The following ADGB variants were observed in gnomAD, a reference collection of about 807,000 sequenced individuals.
ADGB encodes calpain-7-like protein.
A neutral mutation model predicts 210.5 loss-of-function variants in ADGB; 172 were observed. The ratio of observed to expected loss-of-function variants is 0.82; its 90% CI spans 0.72 to 0.93. The LOEUF (loss-of-function observed/expected upper bound fraction) is 0.93, where lower values mean the gene tolerates loss of function less well. Ranked by LOEUF, ADGB falls within the 40% of genes least tolerant of loss-of-function variation. The pLI, the probability that ADGB is intolerant of heterozygous loss-of-function variation, is 0.00. For synonymous variants in ADGB, 658 were observed against 662.7 expected (o/e 0.99, Z 0.11); for missense variants, 2,025 against 1,964.8 (o/e 1.03, Z -0.58).
chr6:146,620,293 C>G (rs570402855), intron 1 of ADGB, among the ~76,000 whole-genome samples: 55 of 152,234 alleles, frequency 3.6e-4, no homozygotes, highest in African/African-American at 1.2e-3. Context: ...TGAGCGTCCT[C>G]TCTTTACCTG....
intron 3 of ADGB, among the ~76,000 whole-genome samples, chr6:146,652,960 C>G (rs955350471): frequency 6.6e-6 from 1 of 152,154 alleles, no homozygotes; most frequent in African/African-American, 2.4e-5. Context: ...CCGGGCCACA[C>G]AGCAGGAGGT....
chr6:146,803,726 G>C, intron 35 of ADGB: 4 of 942,954 alleles, frequency 4.2e-6, no homozygotes, highest in Non-Finnish European at 5.0e-6. Context: ...TTAAGTACCG[G>C]CGCCTCATGG....
chr6:146,639,585 C>T (rs1167239438), intron 2 of ADGB: 6 of 151,970 alleles, frequency 3.9e-5, no homozygotes, highest in Non-Finnish European at 7.4e-5. Flanking sequence ...GTCAAACTAT[C>T]CCTGTTTGCA....
intron 7 of ADGB, among the ~76,000 whole-genome samples, chr6:146,668,408 C>T (rs1775964831): frequency 6.6e-6 from 1 of 152,058 alleles, no homozygotes; most frequent in African/African-American, 2.4e-5. Context: ...TTGGGTGTTG[C>T]TTTGTTCACA....
intron 33 of ADGB, among the ~76,000 whole-genome samples, chr6:146,799,051 G>A (rs1778084648): frequency 1.3e-5 from 1 of 75,722 alleles, no homozygotes; most frequent in East Asian, 3.8e-4. Context: ...AAACTTATAT[G>A]GAAATGCAAA....
chr6:146,700,015 T>G (rs1289585865), intron 12 of ADGB, among the ~76,000 whole-genome samples: 1 of 152,208 alleles, frequency 6.6e-6, no homozygotes, highest in Non-Finnish European at 1.5e-5. Context: ...AATCTGTTAT[T>G]AGTTCATTTA....
intron 1 of ADGB, among the ~76,000 whole-genome samples, chr6:146,621,600 T>C (rs1189659391): frequency 2.0e-5 from 3 of 152,152 alleles, no homozygotes; most frequent in Non-Finnish European, 2.9e-5. Context: ...ACTTCTCTGA[T>C]GCCCTAATGG....
chr6:146,656,054 A>G lies in ADGB; in HGVS notation c.403-717A>G, dbSNP rs1775776050. 2.6e-5 allele frequency among the ~76,000 whole-genome samples: 4 copies of G among 152,200 alleles called. No individual in the cohort carries two copies. The South Asian group carries it at 8.3e-4, about 32-fold the overall frequency. On this transcript the variant is annotated intron_variant, in intron 4 of 35. Transcript: ENST00000397944. ...CCTCACAAAAAAAAATGTGAAAAAT[A>G]GCTACTATTATCTACATTCTACAAT...
chr6:146,667,696 C>T (rs1362011073), intron 7 of ADGB, among the ~76,000 whole-genome samples: 3 of 152,030 alleles, frequency 2.0e-5, no homozygotes, highest in African/African-American at 7.2e-5. Context: ...ATAAACCTGT[C>T]ACACTTACTT....
At chr6:146,604,074 G>A (rs2114822836) in intron 1 of ADGB, among the ~76,000 whole-genome samples, 1 of 152,332 alleles carries the variant, frequency 6.6e-6, no homozygotes, top group Admixed American at 6.5e-5. Context: ...AGGATCAGCT[G>A]AGTCTTGTGA....
chr6:146,728,739 AG>A lies in ADGB; in HGVS notation c.2520+1del, dbSNP rs1244212092. Reference protein sequence around the residue: ...HDKELTAQHFRVFHLSLWRLM... With the variant: ...HDKELTAQHFXVFHLSLWRLM... ...TAAAGAACTAACTGCACAGCACTTCAGGGTAAGCTTGTTTGGGATACAATGT... is the reference window on the plus strand; with the variant it reads ...TAAAGAACTAACTGCACAGCACTTCAGGTAAGCTTGTTTGGGATACAATGT... On this transcript the variant is annotated frameshift_variant and splice_region_variant, in exon 20 of 36. Transcript: ENST00000397944. LOFTEE classifies it high-confidence loss of function. 2 of 1,536,880 alleles carry A rather than the reference AG, an allele frequency of 1.3e-6. No homozygotes were observed. The highest frequency in any genetic ancestry group is 4.0e-5 in the Admixed American group (2 of 50,438).
intron 13 of ADGB, among the ~76,000 whole-genome samples, chr6:146,702,147 A>C (rs1776500485): frequency 6.6e-6 from 1 of 151,866 alleles, no homozygotes. Context: ...CATATTAGGA[A>C]ACCCTGTTCT....
chr6:146,721,480 A>G lies in ADGB; in HGVS notation c.2070A>G (p.Ala690=), dbSNP rs965046531. ...KPIELLVCFS[A]LVRWGEYGAL... ...TTGAACTACTGGTTTGCTTTTCTGC[A>G]TTGGTACGCTGGGGGGAGTATGGAG... is the stretch of plus-strand genomic sequence containing the variant. Residue 690 remains alanine (A), a synonymous_variant, in exon 17 of 36, where the codon GCA becomes GCG. Coordinates refer to ENST00000397944, the MANE Select transcript of ADGB (RefSeq NM_024694.4). The G allele has an allele frequency of 1.2e-5, 18 of 1,549,726 alleles. No homozygotes were observed. Among genetic ancestry groups the G allele is most frequent in the Admixed American group, 3.9e-5 (2 of 50,976 alleles).
At chr6:146,781,565 A>G (rs541715527) in intron 29 of ADGB, among the ~76,000 whole-genome samples, 20 of 152,230 alleles carry the variant, frequency 1.3e-4, no homozygotes, top group African/African-American at 4.6e-4. Flanking sequence ...TCACAAATCA[A>G]TAACTTATCT....
At chr6:146,810,291 A>G (rs1298202882) in intron 35 of ADGB, among the ~76,000 whole-genome samples, 1 of 152,218 alleles carries the variant, frequency 6.6e-6, no homozygotes, top group Admixed American at 6.5e-5. Flanking sequence ...CTTTTATCAT[A>G]AAGACAAGAG....
intron 6 of ADGB, among the ~76,000 whole-genome samples, chr6:146,666,068 T>C (rs1321157797): frequency 2.0e-5 from 3 of 152,064 alleles, no homozygotes; most frequent in Non-Finnish European, 4.4e-5. Context: ...AATAATGGCA[T>C]ATGTGACTAA....
At chr6:146,697,142 C>T (rs1294444229) in intron 12 of ADGB, among the ~76,000 whole-genome samples, 1 of 152,098 alleles carries the variant, frequency 6.6e-6, no homozygotes, top group Admixed American at 6.6e-5. Context: ...GAGGAACCCA[C>T]ACTCACTAAT....
At chr6:146,630,591 A>T (rs1226566105) in intron 1 of ADGB, among the ~76,000 whole-genome samples, 2 of 152,144 alleles carry the variant, frequency 1.3e-5, no homozygotes, top group Non-Finnish European at 2.9e-5. Context: ...GATCTTCAGG[A>T]TCCAGAAGTG....
intron 1 of ADGB, among the ~76,000 whole-genome samples, chr6:146,607,172 T>C (rs763102723): frequency 6.6e-6 from 1 of 152,124 alleles, no homozygotes; most frequent in Non-Finnish European, 1.5e-5. Context: ...GTGAATGGGA[T>C]TGCATTTTTA....
Sources: allele counts gnomAD v4.1 joint callset (sites outside exome capture counted in the v4.1 genomes callset), GRCh38; gene constraint gnomAD v4.1.1; transcripts MANE v1.5; gene names NCBI Gene and HGNC (gene_info 2026-07-23, HGNC 2026-07-21).